The following LRRC53 variants were observed in gnomAD, a reference collection of about 807,000 sequenced individuals.
LRRC53 encodes the protein leucine rich repeat containing 53, also known as leucine-rich repeat-containing protein 53.
LRRC53 carries 25 observed loss-of-function variants against 13.6 expected under a neutral mutation model. That is an observed-to-expected ratio of 1.83 (90% CI 1.34 to 2.56). LRRC53 has a LOEUF of 2.56. Among genes scored for constraint, LRRC53 ranks in the 30% most tolerant of loss-of-function variants. The probability of loss-of-function intolerance (pLI) is 0.00; values close to 1 mark genes in which losing one functional copy is unlikely to be tolerated. For missense variants in LRRC53, 527 were observed against 275.8 expected (o/e 1.91, Z -6.45); for synonymous variants, 204 against 109.8 (o/e 1.86, Z -5.37).
the LRRC53 span, among the ~76,000 whole-genome samples, chr1:74,524,146 G>C: frequency 4.0e-4 from 61 of 152,242 alleles, no homozygotes; most frequent in African/African-American, 1.2e-3. Flanking sequence ...GCCCACAAAG[G>C]CTCCAGTGAA....
intron 4 of LRRC53, among the ~76,000 whole-genome samples, chr1:74,474,990 T>C (rs1668116628): frequency 1.1e-5 from 1 of 93,612 alleles, no homozygotes; most frequent in East Asian, 3.2e-4. Context: ...GCACTATTGC[T>C]ATTTAAAAGG....
chr1:74,480,993 G>A (rs1668473068), intron 2 of LRRC53, 25 bp from the exon 3 acceptor site: 1 of 691,020 alleles, frequency 1.4e-6, no homozygotes, highest in South Asian at 1.6e-5. Context: ...GCACAGACTA[G>A]ATGCAGGGTA....
intron 1 of LRRC53, among the ~76,000 whole-genome samples, chr1:74,489,684 T>C (rs1316569922): frequency 6.6e-6 from 1 of 152,192 alleles, no homozygotes; most frequent in Admixed American, 6.5e-5. Context: ...TGCATTGCTT[T>C]CACACCACAT....
At chr1:74,530,876 A>T in the LRRC53 span, among the ~76,000 whole-genome samples, 1 of 152,180 alleles carries the variant, frequency 6.6e-6, no homozygotes, top group East Asian at 1.9e-4. Flanking sequence ...TGCTTAAATT[A>T]GTAGGTAAAT....
intron 1 of LRRC53, among the ~76,000 whole-genome samples, chr1:74,486,491 T>C (rs1668771678): frequency 8.5e-6 from 1 of 117,116 alleles, no homozygotes; most frequent in South Asian, 2.6e-4. Context: ...TTTTTGTGTG[T>C]GTTTTTTGTT....
At chr1:74,474,727 A>G (rs1189379220) in intron 4 of LRRC53, among the ~76,000 whole-genome samples, 1 of 152,154 alleles carries the variant, frequency 6.6e-6, no homozygotes, top group African/African-American at 2.4e-5. Context: ...TGTCACGGCC[A>G]GATTCACTTG....
intron 3 of LRRC53, among the ~76,000 whole-genome samples, chr1:74,478,195 A>G (rs1668299681): frequency 6.6e-6 from 1 of 152,326 alleles, no homozygotes. Context: ...GCAAATTAAC[A>G]TCAAAAATCA....
At chr1:74,511,672 A>G (rs914646770) in intron 1 of LRRC53, among the ~76,000 whole-genome samples, 3 of 152,068 alleles carry the variant, frequency 2.0e-5, no homozygotes, top group African/African-American at 7.2e-5. Context: ...TCACAGTTTA[A>G]GGGAGGAGGT....
intron 1 of LRRC53, among the ~76,000 whole-genome samples, chr1:74,486,492 GT>G (rs1370637601): frequency 8.5e-6 from 1 of 117,748 alleles, no homozygotes; most frequent in East Asian, 2.6e-4. Flanking sequence ...TTTTGTGTGT[GT>G]TTTTTGTTTT....
intron 1 of LRRC53, among the ~76,000 whole-genome samples, chr1:74,500,882 C>T (rs181734111): frequency 1.1e-3 from 164 of 151,932 alleles, no homozygotes; most frequent in African/African-American, 3.7e-3. Flanking sequence ...CCTTTTAAAA[C>T]TGCTTTTAGA....
At position 74,469,744 on chromosome 1, in the gene LRRC53, A is replaced by C. The variant is rs1570660953; in HGVS notation, c.*134T>G. 1.0e-5 allele frequency: 4 copies of C among 395,892 alleles called. No individual in the cohort carries two copies. In the East Asian group the frequency reaches 1.4e-4, roughly 14 times the overall value. The allele number at this position is 395,892 out of a possible 1,614,324, so 24.5% of individuals were successfully genotyped here. A position where few individuals can be genotyped will look rare whatever the true frequency, so the allele number is the denominator to read the frequency against. On this transcript the variant is annotated 3_prime_UTR_variant, in exon 5 of 5. Coordinates refer to ENST00000294635, the MANE Select transcript of LRRC53 (RefSeq NM_001382280.1). ...TCAACTCTGGTTTTATTTTATTGAT[A>C]ACAAAGAGTTACTGAGGACGTTGTT... is the stretch of plus-strand genomic sequence containing the variant.
At chr1:74,511,681 G>T (rs1195877861) in intron 1 of LRRC53, among the ~76,000 whole-genome samples, 1 of 152,044 alleles carries the variant, frequency 6.6e-6, no homozygotes, top group Non-Finnish European at 1.5e-5. Flanking sequence ...AAGGGAGGAG[G>T]TCAGAGAAAC....
intron 1 of LRRC53, among the ~76,000 whole-genome samples, chr1:74,503,751 A>C (rs1669753098): frequency 6.6e-6 from 1 of 152,234 alleles, no homozygotes; most frequent in South Asian, 2.1e-4. Flanking sequence ...GTTGCCTTTT[A>C]TCTCTTTCTT....
chr1:74,518,593 C>A, the LRRC53 span, among the ~76,000 whole-genome samples: 1 of 152,128 alleles, frequency 6.6e-6, no homozygotes, highest in Non-Finnish European at 1.5e-5. Flanking sequence ...CTTATGGTTC[C>A]CGTGTTTCAC....
At chr1:74,479,510 G>A (rs1409587159) in intron 3 of LRRC53, among the ~76,000 whole-genome samples, 2 of 152,210 alleles carry the variant, frequency 1.3e-5, no homozygotes, top group Non-Finnish European at 2.9e-5. Context: ...CCAAGGCACA[G>A]AGAAGTTAGA....
At chr1:74,496,320 G>C (rs939724805) in intron 1 of LRRC53, among the ~76,000 whole-genome samples, 2 of 152,110 alleles carry the variant, frequency 1.3e-5, no homozygotes, top group African/African-American at 2.4e-5. Flanking sequence ...CATCATCCCT[G>C]CCAAAATTCC....
chr1:74,490,599 T>A (rs1669019154), intron 1 of LRRC53, among the ~76,000 whole-genome samples: 2 of 152,206 alleles, frequency 1.3e-5, no homozygotes. Flanking sequence ...CTGACAGAGT[T>A]TGCTGGACTG....
chr1:74,478,363 A>G (rs1468147634), intron 3 of LRRC53, among the ~76,000 whole-genome samples: 2 of 152,206 alleles, frequency 1.3e-5, no homozygotes, highest in East Asian at 3.8e-4. Flanking sequence ...GCTCCCAGTC[A>G]TTTTGACAAA....
At chr1:74,496,337 T>C (rs577521931) in intron 1 of LRRC53, among the ~76,000 whole-genome samples, 8 of 152,312 alleles carry the variant, frequency 5.3e-5, no homozygotes, top group African/African-American at 1.9e-4. Flanking sequence ...TTCCTTACAA[T>C]GTACCACTAA....
Sources: gnomAD v4.1 joint callset for allele counts (sites outside exome capture counted in the v4.1 genomes callset) on GRCh38, gnomAD v4.1.1 for gene constraint, MANE v1.5 for transcripts, NCBI Gene and HGNC (gene_info 2026-07-23, HGNC 2026-07-21) for gene names.